The following TTC6 variants were observed in gnomAD, a reference collection of about 807,000 sequenced individuals.
The protein encoded by TTC6 is tetratricopeptide repeat protein 6.
TTC6 carries 172 observed loss-of-function variants against 210.4 expected under a neutral mutation model. The ratio of observed to expected loss-of-function variants is 0.82; its 90% CI spans 0.72 to 0.93. The LOEUF is 0.93. Ranked by LOEUF, TTC6 falls within the 40% of genes least tolerant of loss-of-function variation. TTC6 has a pLI of 0.00. For missense variants in TTC6, 2,414 were observed against 2,318.1 expected (o/e 1.04, Z -0.85); for synonymous variants, 804 against 819.6 (o/e 0.98, Z 0.32).
chr14:37,751,746 G>C (rs1406217997), intron 13 of TTC6, among the ~76,000 whole-genome samples: 2 of 151,310 alleles, frequency 1.3e-5, no homozygotes, highest in East Asian at 3.9e-4. Context: ...ACAAATTATG[G>C]TAAGTACTAT....
At chr14:37,786,331 G>A (rs1280578522) in intron 14 of TTC6, among the ~76,000 whole-genome samples, 1 of 152,154 alleles carries the variant, frequency 6.6e-6, no homozygotes, top group Non-Finnish European at 1.5e-5. Flanking sequence ...AATGGCAGCC[G>A]CCCCTCACCC....
At chr14:37,744,344 T>A (rs1014122742) in intron 10 of TTC6, among the ~76,000 whole-genome samples, 2 of 152,056 alleles carry the variant, frequency 1.3e-5, no homozygotes, top group Non-Finnish European at 2.9e-5. Flanking sequence ...AAGTGACAAA[T>A]GTAATGAAGA....
intron 26 of TTC6, among the ~76,000 whole-genome samples, chr14:37,822,309 A>C (rs1342360469): frequency 6.6e-6 from 1 of 152,220 alleles, no homozygotes; most frequent in Non-Finnish European, 1.5e-5. Context: ...ATGATAGTGT[A>C]GGTGGAACCT....
At chr14:37,652,039 A>G (rs377554873) in intron 1 of TTC6, among the ~76,000 whole-genome samples, 1 of 152,200 alleles carries the variant, frequency 6.6e-6, no homozygotes, top group Admixed American at 6.5e-5. Context: ...CTGGTGGGCA[A>G]AAGAGTGAGA....
intron 16 of TTC6, 32 bp downstream of exon 18, chr14:37,790,869 A>G (rs1310759952): frequency 1.3e-6 from 2 of 1,501,014 alleles, no homozygotes; most frequent in Non-Finnish European, 1.8e-6. Flanking sequence ...TATTGATTTC[A>G]GTTTTGTAAA....
intron 8 of TTC6, 28 bp downstream of exon 10, chr14:37,736,038 G>A (rs2095900726): frequency 8.5e-6 from 10 of 1,180,008 alleles, no homozygotes; most frequent in Non-Finnish European, 9.7e-6. Context: ...TCTTAATTAG[G>A]ATTGTTTACT....
chr14:37,783,267 T>C (rs1366442236), intron 14 of TTC6, among the ~76,000 whole-genome samples: 3 of 152,108 alleles, frequency 2.0e-5, no homozygotes, highest in African/African-American at 7.2e-5. Context: ...CCTAGACTCT[T>C]TTTGGTTTGG....
At chr14:37,766,194 C>G (rs1302964434) in intron 14 of TTC6, among the ~76,000 whole-genome samples, 1 of 152,104 alleles carries the variant, frequency 6.6e-6, no homozygotes, top group Non-Finnish European at 1.5e-5. Flanking sequence ...ACAACATATG[C>G]ATATGTTGGT....
chr14:37,695,419 A>G (rs1344628942), intron 3 of TTC6, among the ~76,000 whole-genome samples: 4 of 152,152 alleles, frequency 2.6e-5, no homozygotes, highest in Non-Finnish European at 4.4e-5. Flanking sequence ...CAATGGCACA[A>G]TCTTGGCTCA....
chr14:37,779,529 C>T (rs768409305), intron 14 of TTC6, among the ~76,000 whole-genome samples: 4 of 152,100 alleles, frequency 2.6e-5, no homozygotes, highest in African/African-American at 7.2e-5. Context: ...TATATTTCAG[C>T]ATTTGACTAC....
chr14:37,667,329 C>T (rs2095750101), intron 1 of TTC6, among the ~76,000 whole-genome samples: 1 of 150,366 alleles, frequency 6.7e-6, no homozygotes, highest in African/African-American at 2.4e-5. Context: ...CACCCCCTGC[C>T]CAGCACATTA....
At position 37,735,421 on chromosome 14, in the gene TTC6, C is replaced by T. The variant is rs186218925; in HGVS notation, c.1819-500C>T. 5.0e-3 allele frequency among the ~76,000 whole-genome samples: 755 copies of T among 152,184 alleles called. 3 individuals carry two copies. Among genetic ancestry groups the T allele is most frequent in the Admixed American group, 8.8e-3 (135 of 15,280 alleles). ...TTAATAATAACCTTAATCATAGTGGCAGTTTACTCTTACAACAATAAATAT... is the reference window on the plus strand; with the variant it reads ...TTAATAATAACCTTAATCATAGTGGTAGTTTACTCTTACAACAATAAATAT... On this transcript the variant is annotated intron_variant, in intron 7 of 30. Transcript: ENST00000553443.
At chr14:37,751,357 GGAGCTAGA>G in intron 13 of TTC6, 132 bp downstream of exon 15, 1 of 530,636 alleles carries the variant, frequency 1.9e-6, no homozygotes, top group Middle Eastern at 5.3e-4. Context: ...TTACAGGTTA[GGAGCTAGA>G]GTTTTCATTA....
At chr14:37,832,333 T>C (rs1335690891) in intron 29 of TTC6, among the ~76,000 whole-genome samples, 3 of 4,826 alleles carry the variant, frequency 6.2e-4, no homozygotes, top group Admixed American at 4.1e-3. Flanking sequence ...TTCTCTCTTT[T>C]TTTTTTTTTT....
rs553415895 is a variant in TTC6 at position 37,624,124 on chromosome 14, A to G, written c.939+1121A>G. On this transcript the variant is annotated intron_variant, in intron 1 of 30. Transcript: ENST00000553443. ...TGTGATTTAAGGAATGTGACCATAA[A>G]GGGAAGCAAAAACAGGTATGAACAA... 2.0e-5 allele frequency among the ~76,000 whole-genome samples: 3 copies of G among 152,312 alleles called. No homozygotes were observed. The South Asian group carries it at 6.2e-4, about 32-fold the overall frequency.
intron 1 of TTC6, among the ~76,000 whole-genome samples, chr14:37,651,387 TTATATATATATATATATATA>T (rs1199665217): frequency 6.5e-5 from 2 of 30,910 alleles, no homozygotes; most frequent in Non-Finnish European, 1.2e-4. Flanking sequence ...ACTGTTTATG[TTATATATATATATATATATA>T]TATATATATA....
At chr14:37,679,019 A>G (rs1440935441) in intron 1 of TTC6, among the ~76,000 whole-genome samples, 1 of 152,058 alleles carries the variant, frequency 6.6e-6, no homozygotes, top group Non-Finnish European at 1.5e-5. Context: ...CCACAAGCTC[A>G]AGATCAGCCT....
chr14:37,699,597 G>A (rs1256154055), intron 4 of TTC6, among the ~76,000 whole-genome samples: 14 of 152,144 alleles, frequency 9.2e-5, no homozygotes, highest in Admixed American at 3.9e-4. Context: ...TTTTGCAGAG[G>A]GGAATAGACA....
intron 10 of TTC6, among the ~76,000 whole-genome samples, chr14:37,742,348 T>C (rs1161677457): frequency 6.6e-6 from 1 of 151,922 alleles, no homozygotes. Flanking sequence ...CAAGCAGGAG[T>C]TGTTATGTTT....
Sources: allele counts gnomAD v4.1 joint callset (sites outside exome capture counted in the v4.1 genomes callset), GRCh38; gene constraint gnomAD v4.1.1; transcripts MANE v1.5; gene names NCBI Gene and HGNC (gene_info 2026-07-23, HGNC 2026-07-21).